PPP2R3B: variants seen among roughly 807,000 people sequenced by gnomAD.
PPP2R3B encodes protein phosphatase 2 regulatory subunit B''beta.
Under a neutral mutation model 72.9 loss-of-function variants are expected in PPP2R3B, and 68 were observed. That is an observed-to-expected ratio of 0.93 (90% CI 0.77 to 1.14). PPP2R3B has a LOEUF of 1.14. PPP2R3B is among the 50% of genes most tolerant of loss of function. The pLI is 0.00. For missense variants in PPP2R3B, 1,018 were observed against 842.0 expected (o/e 1.21, Z -2.59); for synonymous variants, 466 against 375.8 (o/e 1.24, Z -2.78).
chrX:368,937 A>C (rs1172123215), intron 1 of PPP2R3B, among the ~76,000 whole-genome samples: 1 of 152,266 alleles, frequency 6.6e-6, no homozygotes, highest in East Asian at 1.9e-4. Context: ...AATAGACGAG[A>C]GATGGAACAA....
chrX:346,958 T>C, intron 4 of PPP2R3B, among the ~76,000 whole-genome samples, 183 bp from the exon 5 acceptor site: 1 of 144,532 alleles, frequency 6.9e-6, no homozygotes, highest in African/African-American at 2.6e-5. Flanking sequence ...GGATGAGGCA[T>C]GTGGTGTAGA....
rs748602205 is a variant in PPP2R3B, at chrX:334,162, C to T, written c.*205G>A. ...TGTGGGAACCCGTCCCATTCACGCG[C>T]GGCCCTACGTGTCCCCCTGGCACAG... On this transcript the variant is annotated 3_prime_UTR_variant, in exon 13 of 13. Transcript: ENST00000390665. 183 of 498,662 alleles carry T rather than the reference C, an allele frequency of 3.7e-4. 1 individual carries two copies. In the South Asian group the frequency reaches 4.6e-3, roughly 13 times the overall value. 30.9% of individuals were successfully genotyped at this position (498,662 alleles called of 1,614,324 possible).
intron 12 of PPP2R3B, chrX:335,334 G>C (rs767787765): frequency 3.9e-5 from 6 of 152,426 alleles, no homozygotes; most frequent in Non-Finnish European, 5.9e-5. Flanking sequence ...AGCTGCCTTA[G>C]GGTGTCCGAC....
At chrX:356,292 T>C (rs1375098053) in intron 2 of PPP2R3B, among the ~76,000 whole-genome samples, 2 of 152,186 alleles carry the variant, frequency 1.3e-5, no homozygotes, top group Admixed American at 1.3e-4. Flanking sequence ...CTTGGCTCAC[T>C]GCAACCTCCA....
At chrX:385,476 C>T (rs1025648256) in intron 1 of PPP2R3B, among the ~76,000 whole-genome samples, 3 of 151,748 alleles carry the variant, frequency 2.0e-5, no homozygotes, top group Non-Finnish European at 2.9e-5. Context: ...GCGCTTCTCA[C>T]CTGCGGTGTA....
intron 2 of PPP2R3B, chrX:359,765 CAT>C (rs1384010994): frequency 4.2e-6 from 2 of 475,620 alleles, no homozygotes; most frequent in Non-Finnish European, 8.2e-6. Context: ...TACTCATACA[CAT>C]ATTTGTACAT....
At chrX:335,356 G>A (rs1248589261) in intron 12 of PPP2R3B, 1 of 152,440 alleles carries the variant, frequency 6.6e-6, no homozygotes, top group South Asian at 2.1e-4. Flanking sequence ...GGAGAAGGCA[G>A]AGACTGGGAA....
rs1178362758 is a variant in PPP2R3B, at chrX:341,289, GC to G, written c.1175+17del. ...GGCCCCTCCACTGGGACAAACGCATGCCGCAGCAGGAACCCACCTGGTCGGT... is the reference window on the plus strand; with the variant it reads ...GGCCCCTCCACTGGGACAAACGCATGCGCAGCAGGAACCCACCTGGTCGGT... On this transcript the variant is annotated intron_variant, in intron 9 of 12. Transcript: ENST00000390665. 1 of 1,611,898 alleles carries G rather than the reference GC, an allele frequency of 6.2e-7. No individual in the cohort carries two copies. Among genetic ancestry groups the G allele is most frequent in the South Asian group, 1.1e-5 (1 of 91,056 alleles).
intron 1 of PPP2R3B, among the ~76,000 whole-genome samples, chrX:376,836 C>T (rs867065421): frequency 3.3e-5 from 4 of 120,578 alleles, no homozygotes; most frequent in African/African-American, 6.5e-5. Flanking sequence ...ACGGGCCGTC[C>T]ACAGTGGGGC....
chrX:346,335 G>A (rs1165266988), intron 5 of PPP2R3B, 75 bp from the exon 6 acceptor site: 122 of 1,423,004 alleles, frequency 8.6e-5, no homozygotes, highest in Non-Finnish European at 1.1e-4. Flanking sequence ...ACCGGGAGCC[G>A]GGAGAGGGGC....
chrX:371,028 A>C (rs761459439), intron 1 of PPP2R3B, among the ~76,000 whole-genome samples: 85 of 151,472 alleles, frequency 5.6e-4, no homozygotes, highest in African/African-American at 2.0e-3. Flanking sequence ...CGGGAGAGTC[A>C]CTCCCCAGGC....
intron 12 of PPP2R3B, 105 bp from the exon 13 acceptor site, chrX:334,622 A>C (rs2070839252): frequency 4.7e-6 from 6 of 1,282,964 alleles, no homozygotes; most frequent in Non-Finnish European, 6.0e-6. Context: ...AGCACGAGAC[A>C]GTCCCCTGAG....
chrX:334,273 G>GCACT lies in PPP2R3B; in HGVS notation c.*90_*93dup. 7.7e-7 allele frequency: 1 copy of GCACT among 1,299,692 alleles called. No homozygotes were observed. Among genetic ancestry groups the GCACT allele is most frequent in the Non-Finnish European group, 1.0e-6 (1 of 988,924 alleles). The allele number at this position is 1,299,692 out of a possible 1,614,324, so 80.5% of individuals were successfully genotyped here. On this transcript the variant is annotated 3_prime_UTR_variant, in exon 13 of 13. Transcript: ENST00000390665. ...TAAAAGTTTATCATTCCGTACAAACGCACTCATTTTCCACAACAGTTTTTA... is the reference window on the plus strand; with the variant it reads ...TAAAAGTTTATCATTCCGTACAAACGCACTCACTCATTTTCCACAACAGTTTTTA...
intron 1 of PPP2R3B, among the ~76,000 whole-genome samples, chrX:369,775 C>T (rs1472626579): frequency 6.6e-6 from 1 of 152,218 alleles, no homozygotes; most frequent in Non-Finnish European, 1.5e-5. Flanking sequence ...AGAGGAGGTG[C>T]CGGAGCAGCA....
rs958516152 is a variant in PPP2R3B, at chrX:334,179, C to T, written c.*188G>A. The T allele has an allele frequency of 3.6e-5, 22 of 618,176 alleles. No individual in the cohort carries two copies. Among genetic ancestry groups the T allele is most frequent in the Middle Eastern group, 4.8e-4 (1 of 2,098 alleles). 38.3% of individuals were successfully genotyped at this position (618,176 alleles called of 1,614,324 possible). ...TTCACGCGCGGCCCTACGTGTCCCC[C>T]TGGCACAGAGCTCTGGGCAGGTCCA... On this transcript the variant is annotated 3_prime_UTR_variant, in exon 13 of 13. Transcript: ENST00000390665.
chrX:340,996 T>A, intron 9 of PPP2R3B, 56 bp from the exon 10 acceptor site: 1 of 1,560,826 alleles, frequency 6.4e-7, no homozygotes, highest in Non-Finnish European at 8.6e-7. Context: ...GCCCGTGACC[T>A]GCAGCCCCTG....
At chrX:355,095 C>T (rs186347542) in intron 2 of PPP2R3B, among the ~76,000 whole-genome samples, 341 of 151,546 alleles carry the variant, frequency 2.3e-3, no homozygotes, top group African/African-American at 7.8e-3. Flanking sequence ...TGAAGATGAC[C>T]TGACCGTGCG....
intron 1 of PPP2R3B, among the ~76,000 whole-genome samples, chrX:381,316 C>A (rs1371884875): frequency 6.6e-6 from 1 of 152,172 alleles, no homozygotes; most frequent in Non-Finnish European, 1.5e-5. Flanking sequence ...TGCAATCTCT[C>A]TGCTCAGTAA....
chrX:357,002 C>T (rs1374856072), intron 2 of PPP2R3B, among the ~76,000 whole-genome samples: 2 of 148,670 alleles, frequency 1.3e-5, no homozygotes, highest in Non-Finnish European at 3.0e-5. Flanking sequence ...AGCGAAACAT[C>T]TTGCTGTACC....
Sources: gnomAD v4.1 joint callset for allele counts (sites outside exome capture counted in the v4.1 genomes callset) on GRCh38, gnomAD v4.1.1 for gene constraint, MANE v1.5 for transcripts, NCBI Gene and HGNC (gene_info 2026-07-23, HGNC 2026-07-21) for gene names.